Variants in UCHL5 observed in about 807,000 individuals in gnomAD.
UCHL5 encodes ubiquitin C-terminal hydrolase L5, also known as ubiquitin carboxyl-terminal hydrolase isozyme L5.
UCHL5 carries 34 observed loss-of-function variants against 53.8 expected under a neutral mutation model. The observed-to-expected ratio is 0.63, with a 90% CI of 0.48 to 0.84. The LOEUF (loss-of-function observed/expected upper bound fraction) is 0.84, where lower values mean the gene tolerates loss of function less well. Among genes scored for constraint, UCHL5 ranks in the 40% least tolerant of loss-of-function variants. The pLI is 0.00. For synonymous variants in UCHL5, 111 were observed against 126.3 expected, an observed-to-expected ratio of 0.88 and a Z score of 0.81; for missense variants, 290 against 385.6, an observed-to-expected ratio of 0.75 and a Z score of 2.08.
chr1:193,026,061 G>A (rs1406279389), intron 7 of UCHL5, among the ~76,000 whole-genome samples: 1 of 149,570 alleles, frequency 6.7e-6, no homozygotes, highest in African/African-American at 2.5e-5. Context: ...TTGAACCACC[G>A]GTGCCTGAGT....
intron 1 of UCHL5, among the ~76,000 whole-genome samples, chr1:193,054,340 T>C (rs1571945897): frequency 6.6e-6 from 1 of 152,334 alleles, no homozygotes; most frequent in African/African-American, 2.4e-5. Flanking sequence ...TGACAACTTG[T>C]CATTCCCCTA....
At chr1:193,021,850 A>C (rs1210131426) in intron 9 of UCHL5, among the ~76,000 whole-genome samples, 1 of 152,122 alleles carries the variant, frequency 6.6e-6, no homozygotes, top group Non-Finnish European at 1.5e-5. Flanking sequence ...TAATTAATTA[A>C]ATTAAAGCTT....
At chr1:193,032,028 C>T (rs1237698577) in intron 3 of UCHL5, among the ~76,000 whole-genome samples, 1 of 152,120 alleles carries the variant, frequency 6.6e-6, no homozygotes, top group Non-Finnish European at 1.5e-5. Context: ...GGTTTGAATT[C>T]CTACGCCAGG....
intron 3 of UCHL5, among the ~76,000 whole-genome samples, chr1:193,036,317 C>CAAAAAAAAAAAAAAA (rs960496083): frequency 9.8e-5 from 5 of 50,796 alleles, no homozygotes; most frequent in Non-Finnish European, 1.4e-4. Flanking sequence ...AACTGGAAAC[C>CAAAAAAAAAAAAAAA]AAAAAAAAAA....
intron 3 of UCHL5, among the ~76,000 whole-genome samples, chr1:193,040,026 TTGAAATTA>T (rs770723554): frequency 1.3e-5 from 2 of 152,134 alleles, no homozygotes; most frequent in Non-Finnish European, 2.9e-5. Flanking sequence ...AATATAAGAC[TTGAAATTA>T]TGAAGCTACT....
chr1:193,047,653 A>G (rs1400452208), intron 3 of UCHL5, among the ~76,000 whole-genome samples: 1 of 152,200 alleles, frequency 6.6e-6, no homozygotes, highest in Admixed American at 6.5e-5. Flanking sequence ...TCTCAGAAAT[A>G]AGTGCAATTT....
chr1:193,020,162 C>G (rs1313240231), intron 10 of UCHL5: 1 of 1,305,210 alleles, frequency 7.7e-7, no homozygotes, highest in Non-Finnish European at 9.8e-7. Context: ...AAAGTTGGGT[C>G]ACATGTTTCA....
rs563397246 is a variant in UCHL5, at chr1:193,037,862, T to C, written c.247-8205A>G. On this transcript the variant is annotated intron_variant, in intron 3 of 10. Transcript: ENST00000367454. The stretch of plus-strand genomic sequence containing the variant: ...TGTAACAAACCAAACCTGCACGTTG[T>C]GCACATGTACCCTAGAACTTAAAGT... 1.1e-4 allele frequency among the ~76,000 whole-genome samples: 15 copies of C among 142,440 alleles called. 1 individual carries two copies. The East Asian group carries it at 3.1e-3, about 29-fold the overall frequency. The allele number at this position is 142,440 out of a possible 152,430, so 93.4% of individuals were successfully genotyped here.
In UCHL5 at chr1:193,029,139, CCT is replaced by C. The variant is rs537845834; in HGVS notation, c.565+38_565+39del. 415 of 1,595,440 alleles carry C rather than the reference CCT, an allele frequency of 2.6e-4. 5 individuals are homozygous for C. The East Asian group carries it at 8.2e-3, about 31-fold the overall frequency. ...AGGGTAAATACCCAACAGATTTTCC[CCT>C]GTCAAAAGTGAAATATCAGGAACAG... On this transcript the variant is annotated intron_variant, in intron 6 of 10. Transcript: ENST00000367454.
chr1:193,037,373 A>G (rs1483255555), intron 3 of UCHL5, among the ~76,000 whole-genome samples: 1 of 152,146 alleles, frequency 6.6e-6, no homozygotes, highest in Non-Finnish European at 1.5e-5. Context: ...TATACAAAAA[A>G]ATTGGAAAAC....
At chr1:193,020,700 AT>A (rs879632714) in intron 10 of UCHL5, among the ~76,000 whole-genome samples, 7 of 149,392 alleles carry the variant, frequency 4.7e-5, no homozygotes, top group Non-Finnish European at 6.0e-5. Flanking sequence ...AGTACAGGCT[AT>A]TTTTTTTTTA....
At chr1:193,050,578 C>CA (rs1478859527) in intron 2 of UCHL5, among the ~76,000 whole-genome samples, 1 of 151,676 alleles carries the variant, frequency 6.6e-6, no homozygotes, top group Non-Finnish European at 1.5e-5. Flanking sequence ...ACTAAAAAAA[C>CA]AAAAACAAAA....
At chr1:193,037,966 G>A (rs1558093199) in intron 3 of UCHL5, among the ~76,000 whole-genome samples, 1 of 148,958 alleles carries the variant, frequency 6.7e-6, no homozygotes, top group Non-Finnish European at 1.5e-5. Context: ...GGTTCAATAT[G>A]TGCTAATCAA....
intron 7 of UCHL5, chr1:193,027,850 C>A: frequency 7.2e-7 from 1 of 1,395,580 alleles, no homozygotes. Context: ...TGGCTGGGCA[C>A]AGTGGCTCAC....
intron 7 of UCHL5, among the ~76,000 whole-genome samples, chr1:193,025,826 G>C (rs140251542): frequency 4.0e-4 from 61 of 152,228 alleles, no homozygotes; most frequent in African/African-American, 1.4e-3. Context: ...GGAAGGCAGA[G>C]GAACTATAGT....
At chr1:193,029,773 C>T in intron 3 of UCHL5, 116 bp from the exon 4 acceptor site, 1 of 810,004 alleles carries the variant, frequency 1.2e-6, no homozygotes, top group East Asian at 2.9e-5. Context: ...TATGAAGTCT[C>T]AGCATAAACA....
chr1:193,050,097 A>G (rs926561715), intron 2 of UCHL5, among the ~76,000 whole-genome samples: 4 of 152,220 alleles, frequency 2.6e-5, no homozygotes, highest in African/African-American at 7.2e-5. Context: ...AAATCTGTAG[A>G]CTATTCATTT....
intron 3 of UCHL5, among the ~76,000 whole-genome samples, chr1:193,043,884 T>C (rs1329558980): frequency 2.0e-5 from 3 of 152,208 alleles, no homozygotes. Flanking sequence ...ACATGGAACT[T>C]TCCTGAACTC....
intron 6 of UCHL5, among the ~76,000 whole-genome samples, chr1:193,028,900 T>C (rs930907867): frequency 3.3e-5 from 5 of 152,180 alleles, no homozygotes; most frequent in Non-Finnish European, 5.9e-5. Context: ...AAGGGTAGTT[T>C]TTAAATGTTA....
Sources: gnomAD v4.1 joint callset for allele counts (sites outside exome capture counted in the v4.1 genomes callset) on GRCh38, gnomAD v4.1.1 for gene constraint, MANE v1.5 for transcripts, NCBI Gene and HGNC (gene_info 2026-07-23, HGNC 2026-07-21) for gene names.